DBF4: variants seen among roughly 807,000 people sequenced by gnomAD.
DBF4 encodes the protein protein DBF4 homolog A.
A neutral mutation model predicts 76.6 loss-of-function variants in DBF4; 25 were observed. The ratio of observed to expected loss-of-function variants is 0.33; its 90% CI spans 0.24 to 0.46. The LOEUF is 0.46. Among genes scored for constraint, DBF4 ranks in the 20% least tolerant of loss-of-function variants. The probability of loss-of-function intolerance (pLI) is 1.00; values close to 1 mark genes in which losing one functional copy is unlikely to be tolerated. For synonymous variants in DBF4, 213 were observed against 258.0 expected (o/e 0.83, Z 1.67); for missense variants, 638 against 760.8 (o/e 0.84, Z 1.90).
At chr7:87,884,932 G>A in intron 2 of DBF4, 47 bp from the exon 3 acceptor site, 2 of 1,449,736 alleles carry the variant, frequency 1.4e-6, no homozygotes, top group East Asian at 2.4e-5. Context: ...GTGAGACCGT[G>A]TTTCTTAAAA....
At position 87,884,995 on chromosome 7, in the gene DBF4, T is replaced by C; in HGVS notation, c.236T>C (p.Leu79Pro). Residue 79 changes from leucine to proline, a missense_variant, in exon 3 of 12, where the codon CTC (leucine) becomes CCC (proline). Coordinates refer to ENST00000265728, the MANE Select transcript of DBF4 (RefSeq NM_006716.4). ...CTCTTCTAGCGAGTTGAAGAATTTC[T>C]CAGCAAAGATATCAGTTATCTTATT... ...KDLGGRVEEF[L>P]SKDISYLISN... The C allele has an allele frequency of 6.2e-7, 1 of 1,609,956 alleles. No homozygotes were observed. Among genetic ancestry groups the C allele is most frequent in the South Asian group, 1.1e-5 (1 of 90,428 alleles).
intron 8 of DBF4, among the ~76,000 whole-genome samples, chr7:87,898,770 G>GAC (rs1839698984): frequency 7.0e-6 from 1 of 143,442 alleles, no homozygotes; most frequent in Middle Eastern, 3.8e-3. Context: ...CAGCCTGGGG[G>GAC]ACAGAGCAAG....
intron 2 of DBF4, 124 bp from the exon 3 acceptor site, chr7:87,884,855 T>G (rs1018817090): frequency 4.3e-5 from 29 of 674,124 alleles, no homozygotes; most frequent in Admixed American, 2.2e-4. Context: ...GAGGATCACT[T>G]GAGAACAGGG....
intron 11 of DBF4, among the ~76,000 whole-genome samples, chr7:87,905,781 T>C (rs4728713): frequency 0.28 from 42,933 of 152,076 alleles, 7,449 homozygotes; most frequent in African/African-American, 0.48. Context: ...GTTCTTAAAT[T>C]CCATATTTCT....
At chr7:87,901,121 G>C (rs1455055888) in intron 10 of DBF4, among the ~76,000 whole-genome samples, 1 of 152,114 alleles carries the variant, frequency 6.6e-6, no homozygotes. Context: ...ATTATATTCT[G>C]TAGGGTAGGG....
At chr7:87,902,679 TC>T (rs1038992804) in intron 10 of DBF4, among the ~76,000 whole-genome samples, 5 of 152,196 alleles carry the variant, frequency 3.3e-5, no homozygotes, top group Non-Finnish European at 7.3e-5. Flanking sequence ...TGGAAATTTT[TC>T]CTTCCCAGAA....
At chr7:87,879,962 A>T (rs892420479) in intron 2 of DBF4, among the ~76,000 whole-genome samples, 1 of 152,040 alleles carries the variant, frequency 6.6e-6, no homozygotes, top group Admixed American at 6.6e-5. Flanking sequence ...AAAAAAAAAA[A>T]AAAAAGGTAG....
chr7:87,887,174 T>C (rs1839377064), intron 4 of DBF4, among the ~76,000 whole-genome samples, 155 bp from the exon 5 acceptor site: 2 of 152,328 alleles, frequency 1.3e-5, no homozygotes, highest in African/African-American at 2.4e-5. Flanking sequence ...AGGAATTCTA[T>C]AGAAAATCTT....
At chr7:87,894,204 C>A (rs1839568252) in intron 6 of DBF4, among the ~76,000 whole-genome samples, 1 of 152,196 alleles carries the variant, frequency 6.6e-6, no homozygotes, top group Non-Finnish European at 1.5e-5. Flanking sequence ...ACCTGTCATC[C>A]CAGCACTTTG....
chr7:87,888,236 A>G (rs1233767191), intron 6 of DBF4, 177 bp downstream of exon 6: 1 of 960,932 alleles, frequency 1.0e-6, no homozygotes, highest in Non-Finnish European at 1.2e-6. Context: ...CTCACCAGGT[A>G]AAAGTTGTTC....
chr7:87,896,230 A>G (rs1460806105), intron 6 of DBF4: 2 of 374,508 alleles, frequency 5.3e-6, no homozygotes, highest in African/African-American at 4.2e-5. Flanking sequence ...ACATTTCATT[A>G]ACTACCTTTT....
At chr7:87,888,138 C>A in intron 6 of DBF4, 79 bp downstream of exon 6, 2 of 1,448,750 alleles carry the variant, frequency 1.4e-6, no homozygotes, top group Non-Finnish European at 1.8e-6. Flanking sequence ...TCCTCCCAAG[C>A]AGAAAATATC....
At chr7:87,886,802 C>T in intron 3 of DBF4, 42 bp from the exon 4 acceptor site, 1 of 1,179,184 alleles carries the variant, frequency 8.5e-7, no homozygotes, top group Non-Finnish European at 1.2e-6. Context: ...ACCTGTTCTC[C>T]AGTTAAGCAC....
At chr7:87,891,943 G>T (rs1371996043) in intron 6 of DBF4, among the ~76,000 whole-genome samples, 3 of 152,058 alleles carry the variant, frequency 2.0e-5, no homozygotes, top group East Asian at 1.9e-4. Flanking sequence ...TTTTACACTG[G>T]ATATTTTATC....
intron 11 of DBF4, among the ~76,000 whole-genome samples, chr7:87,904,703 A>G (rs1839873280): frequency 6.6e-6 from 1 of 152,198 alleles, no homozygotes; most frequent in Admixed American, 6.5e-5. Flanking sequence ...AGATTGCACC[A>G]CTGCACTCCA....
chr7:87,897,159 C>T (rs998889499), intron 7 of DBF4, 135 bp from the exon 8 acceptor site: 6 of 704,872 alleles, frequency 8.5e-6, no homozygotes, highest in African/African-American at 1.8e-5. Flanking sequence ...GGAAGTACCT[C>T]ATCTGAGGCT....
chr7:87,894,004 T>A (rs1366216421), intron 6 of DBF4, among the ~76,000 whole-genome samples: 1 of 152,250 alleles, frequency 6.6e-6, no homozygotes, highest in Non-Finnish European at 1.5e-5. Flanking sequence ...TTTCGCAATC[T>A]ATCTTGAATT....
At chr7:87,894,947 T>C (rs1839596837) in intron 6 of DBF4, among the ~76,000 whole-genome samples, 1 of 152,124 alleles carries the variant, frequency 6.6e-6, no homozygotes, top group South Asian at 2.1e-4. Context: ...ATTTTGTTAA[T>C]TTTTTTTCTT....
rs372498878 is a variant in DBF4 at position 87,907,473 on chromosome 7, A to G, written c.1335A>G (p.Arg445=). Residue 445 remains arginine, a synonymous_variant, in exon 12 of 12, where the codon AGA becomes AGG. Transcript: ENST00000265728. ...TAAGTACAGCTGAAGATGACATAAGACAGAATTTTACACAGCTACCTCTAC... is the reference window on the plus strand; with the variant it reads ...TAAGTACAGCTGAAGATGACATAAGGCAGAATTTTACACAGCTACCTCTAC... ...SMLSTAEDDI[R]QNFTQLPLHK... 100 of 1,613,918 alleles carry G rather than the reference A, an allele frequency of 6.2e-5. No individual in the cohort carries two copies. The highest frequency in any genetic ancestry group is 8.3e-5 in the Non-Finnish European group (98 of 1,179,942).
Sources: gnomAD v4.1 joint callset for allele counts (sites outside exome capture counted in the v4.1 genomes callset) on GRCh38, gnomAD v4.1.1 for gene constraint, MANE v1.5 for transcripts, NCBI Gene and HGNC (gene_info 2026-07-23, HGNC 2026-07-21) for gene names.